KRTAP9-9: variants seen among roughly 807,000 people sequenced by gnomAD.
The protein encoded by KRTAP9-9 is keratin-associated protein 9-9.
Under a neutral mutation model 13.7 loss-of-function variants are expected in KRTAP9-9, and 12 were observed. That is an observed-to-expected ratio of 0.88 (90% confidence interval 0.56 to 1.42). The LOEUF is 1.42. Among genes scored for constraint, KRTAP9-9 ranks in the 40% most tolerant of loss-of-function variants. The pLI is 0.00. For missense variants in KRTAP9-9, 194 were observed against 206.5 expected (o/e 0.94, Z 0.37); for synonymous variants, 81 against 78.1 (o/e 1.04, Z -0.19).
chr17:41,256,312 A>C (rs1379022976), exon 1 of KRTAP9-9: 1 of 245,258 alleles, frequency 4.1e-6, no homozygotes, highest in Non-Finnish European at 8.4e-6. Context: ...CCCTATAACC[A>C]GGGATCTTAC....
chr17:41,256,298 A>G (rs557192709), exon 1 of KRTAP9-9: 1 of 274,622 alleles, frequency 3.6e-6, no homozygotes, highest in Non-Finnish European at 7.3e-6. Context: ...ACTTTGGGTT[A>G]TCTCCCTATA....
At chr17:41,255,389 AC>A in the KRTAP9-9 span, 1 of 1,590,152 alleles carries the variant, frequency 6.3e-7, no homozygotes, top group African/African-American at 1.4e-5. Context: ...TGACACCATG[AC>A]CCACTGTTGC....
chr17:41,256,006 AT>A (rs1239685961), exon 1 of KRTAP9-9: 7 of 1,528,552 alleles, frequency 4.6e-6, no homozygotes, highest in Non-Finnish European at 6.2e-6. Flanking sequence ...TCTCACCCAA[AT>A]TTTTATGAAT....
chr17:41,255,994 G>T, exon 1 of KRTAP9-9: 1 of 1,544,112 alleles, frequency 6.5e-7, no homozygotes, highest in South Asian at 1.3e-5. Flanking sequence ...CAGCAACCAT[G>T]TTCTCACCCA....
exon 1 of KRTAP9-9, chr17:41,255,451 C>T: frequency 6.3e-7 from 1 of 1,577,764 alleles, no homozygotes; most frequent in Non-Finnish European, 8.6e-7. Context: ...GGAAGCCCAC[C>T]ACTGTGACCA....
chr17:41,255,447 C>T (rs1338034531), exon 1 of KRTAP9-9: 1 of 1,576,188 alleles, frequency 6.3e-7, no homozygotes, highest in Non-Finnish European at 8.6e-7. Flanking sequence ...TGCTGGAAGC[C>T]CACCACTGTG....
exon 1 of KRTAP9-9, chr17:41,256,120 G>C (rs2007206): frequency 0.73 from 586,129 of 806,274 alleles, 215,399 homozygotes; most frequent in South Asian, 0.81. Flanking sequence ...CCAGCTTCAT[G>C]TGTTCTCAAT....
At chr17:41,256,310 C>T (rs2016325289) in exon 1 of KRTAP9-9, 1 of 247,154 alleles carries the variant, frequency 4.0e-6, no homozygotes, top group African/African-American at 2.3e-5. Context: ...CTCCCTATAA[C>T]CAGGGATCTT....
chr17:41,255,402 C>T lies in KRTAP9-9; in HGVS notation c.17C>T (p.Ser6Phe), dbSNP rs774844543. 4 of 1,588,978 alleles carry T rather than the reference C, an allele frequency of 2.5e-6. No individual in the cohort carries two copies. In the Admixed American group the frequency reaches 7.0e-5, roughly 28 times the overall value. Residue 6 changes from serine to phenylalanine, a missense_variant, in exon 1 of 1, where the codon TCC (serine) becomes TTC (phenylalanine). Transcript: ENST00000394008. ...CCTGACACCATGACCCACTGTTGCT[C>T]CCCTTGCTGTCAGCCTACCTGCTGC...
At chr17:41,255,901 T>A (rs1422879345) in exon 1 of KRTAP9-9, 2 of 1,613,812 alleles carry the variant, frequency 1.2e-6, no homozygotes, top group Non-Finnish European at 1.7e-6. Context: ...GCTGATCAAG[T>A]CCCAAGAGAA....
At chr17:41,256,013 T>G in exon 1 of KRTAP9-9, 1 of 1,524,100 alleles carries the variant, frequency 6.6e-7, no homozygotes, top group South Asian at 1.3e-5. Flanking sequence ...CAAATTTTTA[T>G]GAATTCTCTG....
At chr17:41,256,230 A>G in exon 1 of KRTAP9-9, 1 of 455,534 alleles carries the variant, frequency 2.2e-6, no homozygotes. Context: ...CTTCACAACT[A>G]TGTTTTCTTT....
chr17:41,255,587 A>C lies in KRTAP9-9; in HGVS notation c.202A>C (p.Thr68Pro), dbSNP rs879158821. 6.2e-6 allele frequency: 10 copies of C among 1,608,394 alleles called. No homozygotes were observed. The highest frequency in any genetic ancestry group is 3.4e-4 in the Middle Eastern group (2 of 5,948). ...CACCTGCTGCCAGCCCACCTGTCTG[A>C]CCAGCTGCTGCCAGCCTTCCTGCTG... Residue 68 changes from threonine (T) to proline (P), a missense_variant, in exon 1 of 1, where the codon ACC becomes CCC. Transcript: ENST00000394008.
chr17:41,256,232 G>T, exon 1 of KRTAP9-9: 1 of 449,422 alleles, frequency 2.2e-6, no homozygotes, highest in Non-Finnish European at 4.1e-6. Flanking sequence ...TCACAACTAT[G>T]TTTTCTTTTC....
chr17:41,255,982 G>A lies in KRTAP9-9; in HGVS notation c.*87G>A, dbSNP rs894061297. 13 of 1,567,522 alleles carry A rather than the reference G, an allele frequency of 8.3e-6. No individual in the cohort carries two copies. The Admixed American group carries it at 2.0e-4, about 24-fold the overall frequency. The stretch of plus-strand genomic sequence containing the variant: ...TGGAGGACTAATTTACCTTACTGCT[G>A]ACAGCAACCATGTTCTCACCCAAAT... On this transcript the variant is annotated 3_prime_UTR_variant, in exon 1 of 1. Coordinates refer to ENST00000394008, the Ensembl canonical transcript of KRTAP9-9.
In KRTAP9-9 at chr17:41,255,846, G is replaced by T. The variant is rs769995264; in HGVS notation, c.461G>T (p.Cys154Phe). The T allele has an allele frequency of 1.9e-6, 3 of 1,613,528 alleles. No individual in the cohort carries two copies. In the South Asian group the frequency reaches 3.3e-5, roughly 18 times the overall value. ...GAGACCACCTGCTGCAGGACCACTT[G>T]CTTCCAGCCCACCTGTGTGTCCAGC... The change falls in exon 1 of 1, where the codon TGC becomes TTC. Residue 154 changes from cysteine (C) to phenylalanine (F), a missense_variant. By Grantham distance (205) the Cys-to-Phe change is radical. Coordinates refer to ENST00000394008, the Ensembl canonical transcript of KRTAP9-9.
Position 41,255,483 on chromosome 17 carries a change from G to A in KRTAP9-9, c.98G>A (p.Cys33Tyr), listed in dbSNP as rs763075013. 8 of 1,594,996 alleles carry A rather than the reference G, an allele frequency of 5.0e-6. No individual in the cohort carries two copies. The Admixed American group carries it at 1.2e-4, about 24-fold the overall frequency. The change falls in exon 1 of 1, where the codon TGC becomes TAC. Residue 33 changes from cysteine to tyrosine, a missense_variant. Cys to Tyr is a radical substitution (Grantham distance 194). Coordinates refer to ENST00000394008, the Ensembl canonical transcript of KRTAP9-9. ...ACCACCTGCAGCAGCACACCCTGCT[G>A]CCAGCCCTCCTGCTGTGTGTCTAGC...
Position 41,256,087 on chromosome 17 carries a change from T to C in KRTAP9-9, c.*192T>C. On this transcript the variant is annotated 3_prime_UTR_variant, in exon 1 of 1. Coordinates refer to ENST00000394008, the Ensembl canonical transcript of KRTAP9-9. ...GAATACTTCATCCTGATTCTCTTTTTCTTATACCTTGTGAATCATGTGCCA... is the reference window on the plus strand; with the variant it reads ...GAATACTTCATCCTGATTCTCTTTTCCTTATACCTTGTGAATCATGTGCCA... The C allele has an allele frequency of 3.9e-6, 4 of 1,034,026 alleles. No individual in the cohort carries two copies. The South Asian group carries it at 6.7e-5, about 17-fold the overall frequency. 64.1% of individuals were successfully genotyped at this position (1,034,026 alleles called of 1,614,324 possible).
chr17:41,255,397 T>C, exon 1 of KRTAP9-9: 1 of 1,588,734 alleles, frequency 6.3e-7, no homozygotes, highest in Non-Finnish European at 8.6e-7. Flanking sequence ...TGACCCACTG[T>C]TGCTCCCCTT....
Sources: allele counts gnomAD v4.1 joint callset, GRCh38; gene constraint gnomAD v4.1.1; transcripts MANE v1.5; gene names NCBI Gene and HGNC (gene_info 2026-07-23, HGNC 2026-07-21).